ABCC8: variants seen among roughly 807,000 people sequenced by gnomAD.
ABCC8 encodes the protein ATP binding cassette subfamily C member 8, also known as ATP-binding cassette sub-family C member 8.
ABCC8 carries 137 observed loss-of-function variants against 188.0 expected under a neutral mutation model. The ratio of observed to expected loss-of-function variants is 0.73; its 90% CI spans 0.63 to 0.84. The LOEUF (loss-of-function observed/expected upper bound fraction) is 0.84, where lower values mean the gene tolerates loss of function less well. ABCC8 is among the 40% of genes least tolerant of loss of function. The pLI is 0.00. For synonymous variants in ABCC8, 797 were observed against 846.5 expected (o/e 0.94, Z 1.01); for missense variants, 1,750 against 2,072.7 (o/e 0.84, Z 3.02).
intron 7 of ABCC8, among the ~76,000 whole-genome samples, chr11:17,450,269 T>C (rs895066513): frequency 2.0e-4 from 22 of 108,206 alleles, no homozygotes; most frequent in Admixed American, 1.7e-3. Flanking sequence ...TCTCTTTCTT[T>C]CTTTCTTTCT....
intron 7 of ABCC8, among the ~76,000 whole-genome samples, chr11:17,449,473 C>T (rs536284999): frequency 6.6e-6 from 1 of 152,322 alleles, no homozygotes; most frequent in South Asian, 2.1e-4. Context: ...GTGAGTCAGT[C>T]AGCCCCAGCA....
intron 17 of ABCC8, among the ~76,000 whole-genome samples, chr11:17,416,332 T>A (rs1955072133): frequency 6.6e-6 from 1 of 152,120 alleles, no homozygotes; most frequent in Non-Finnish European, 1.5e-5. Context: ...CACATGAACA[T>A]AAAGCAACAA....
rs1847962147 is a variant in ABCC8, at chr11:17,463,579, G to A, written c.438C>T (p.Ala146=). The change falls in exon 4 of 39, where the codon GCC becomes GCT. Residue 146 remains alanine (A), a synonymous_variant. Coordinates refer to ENST00000389817, the MANE Select transcript of ABCC8 (RefSeq NM_000352.6). ...LIALLVYWTL[A]FITKTIKFVK... is the part of the protein sequence containing the mutation. ...CAAACTTGATGGTCTTGGTGATGAAGGCCAGGGTCCAATACACCAGCAGGG... is the reference window on the plus strand; with the variant it reads ...CAAACTTGATGGTCTTGGTGATGAAAGCCAGGGTCCAATACACCAGCAGGG... 1.9e-6 allele frequency: 3 copies of A among 1,588,332 alleles called. No individual in the cohort carries two copies. Among genetic ancestry groups the A allele is most frequent in the Non-Finnish European group, 2.6e-6 (3 of 1,166,974 alleles).
At chr11:17,436,589 T>C (rs7108578) in intron 10 of ABCC8, among the ~76,000 whole-genome samples, 25,425 of 152,146 alleles carry the variant, frequency 0.17, 2,279 homozygotes, top group Non-Finnish European at 0.2. Flanking sequence ...GCTCAGATCT[T>C]GAAAGTTAAG....
chr11:17,455,862 C>A (rs984325494), intron 6 of ABCC8, among the ~76,000 whole-genome samples: 1 of 151,070 alleles, frequency 6.6e-6, no homozygotes, highest in Non-Finnish European at 1.5e-5. Context: ...TTGCTTGAAC[C>A]CAGGAGGCAG....
intron 3 of ABCC8, among the ~76,000 whole-genome samples, chr11:17,468,631 A>C (rs574343368): frequency 6.6e-6 from 1 of 152,346 alleles, no homozygotes; most frequent in South Asian, 2.1e-4. Context: ...CCTACCTCAT[A>C]GAGTTGTTGC....
chr11:17,468,030 C>T (rs965526942), intron 3 of ABCC8, among the ~76,000 whole-genome samples: 1 of 152,138 alleles, frequency 6.6e-6, no homozygotes, highest in Non-Finnish European at 1.5e-5. Flanking sequence ...ATGAAGGGTT[C>T]TCTACAGACA....
chr11:17,435,012 T>TGTGTGTGC (rs1417876278), intron 10 of ABCC8, among the ~76,000 whole-genome samples: 5 of 151,916 alleles, frequency 3.3e-5, no homozygotes, highest in African/African-American at 9.7e-5. Flanking sequence ...TGTGTGTGTG[T>TGTGTGTGC]GTGTGTTTTG....
chr11:17,396,827 G>C (rs1272895263), intron 33 of ABCC8, 89 bp downstream of exon 33: 2 of 1,541,082 alleles, frequency 1.3e-6, no homozygotes, highest in Non-Finnish European at 1.8e-6. Flanking sequence ...GGAGGGCCAC[G>C]AGGTGACTGC....
intron 16 of ABCC8, among the ~76,000 whole-genome samples, chr11:17,418,764 G>A (rs1371826955): frequency 6.6e-6 from 1 of 152,152 alleles, no homozygotes; most frequent in Non-Finnish European, 1.5e-5. Context: ...ATCAGCTCCC[G>A]TGTAATTTGT....
intron 16 of ABCC8, 168 bp from the exon 17 acceptor site, chr11:17,417,130 T>G: frequency 1.2e-5 from 11 of 916,908 alleles, no homozygotes; most frequent in East Asian, 1.2e-4. Context: ...TCTCAATCTC[T>G]GTCCCTCCCA....
At position 17,410,531 on chromosome 11, in the gene ABCC8, C is replaced by A. The variant is rs1023939014; in HGVS notation, c.2679G>T (p.Leu893=). 10 of 1,614,176 alleles carry A rather than the reference C, an allele frequency of 6.2e-6. No homozygotes were observed. The highest frequency in any genetic ancestry group is 8.5e-6 in the Non-Finnish European group (10 of 1,180,030). The change falls in exon 22 of 39, where the codon CTG becomes CTT. Residue 893 remains leucine, a synonymous_variant. Transcript: ENST00000389817. ...TCCCCCTCACCCAGTCTGCATGGGG[C>A]AGGTACTGTAGCTTGTGGGTCACTA... The part of the protein sequence containing the change: ...VVLVTHKLQY[L]PHADWIIAMK...
At chr11:17,403,004 A>G (rs1186369018) in intron 28 of ABCC8, among the ~76,000 whole-genome samples, 1 of 152,210 alleles carries the variant, frequency 6.6e-6, no homozygotes. Flanking sequence ...TGTCCTGGGC[A>G]TTGTCAACCC....
At position 17,413,455 on chromosome 11, in the gene ABCC8, C is replaced by T. The variant is rs1401468345; in HGVS notation, c.2414G>A (p.Cys805Tyr). 2 of 1,614,096 alleles carry T rather than the reference C, an allele frequency of 1.2e-6. No homozygotes were observed. The highest frequency in any genetic ancestry group is 2.7e-5 in the African/African-American group (2 of 75,046). ...KQRYKMVIEA[C>Y]SLQPDIDILP... ...GATGTCGATGTCTGGCTGCAGAGAG[C>T]AGGCTTCAATGACCATCTTGTACCT... The change falls in exon 20 of 39, where the codon TGC (cysteine) becomes TAC (tyrosine). Residue 805 changes from cysteine to tyrosine, a missense_variant. Physicochemically the swap from Cys to Tyr is radical, Grantham distance 194. Transcript: ENST00000389817.
intron 2 of ABCC8, among the ~76,000 whole-genome samples, chr11:17,471,780 G>A (rs1421445523): frequency 8.5e-5 from 13 of 152,252 alleles, no homozygotes; most frequent in African/African-American, 2.9e-4. Flanking sequence ...AAGATGGGAA[G>A]AGGCTGGGTC....
At chr11:17,434,984 C>CGTGTGTGTGTGTGTGT (rs57580521) in intron 10 of ABCC8, among the ~76,000 whole-genome samples, 12 of 144,650 alleles carry the variant, frequency 8.3e-5, no homozygotes, top group Non-Finnish European at 1.5e-4. Context: ...CGTGTGTTCG[C>CGTGTGTGTGTGTGTGT]GTGTGTGTGT....
chr11:17,435,321 C>T (rs1236520073), intron 10 of ABCC8, among the ~76,000 whole-genome samples: 1 of 152,166 alleles, frequency 6.6e-6, no homozygotes, highest in African/African-American at 2.4e-5. Context: ...AGAAGCCACA[C>T]AGCTGGCATT....
intron 1 of ABCC8, among the ~76,000 whole-genome samples, chr11:17,475,876 A>C (rs1009205556): frequency 6.6e-6 from 1 of 152,186 alleles, no homozygotes; most frequent in Non-Finnish European, 1.5e-5. Flanking sequence ...GGAAGAGTCA[A>C]GGTCTTGGAG....
At position 17,409,584 on chromosome 11, in the gene ABCC8, A is replaced by G. The variant is rs149359294; in HGVS notation, c.2694+932T>C. ...TTTCTTTGGGTCTTCTTTATACTGG[A>G]GGGGGTCTCATCATACATGGAAGGA... is the stretch of plus-strand genomic sequence containing the variant. On this transcript the variant is annotated intron_variant, in intron 22 of 38. Transcript: ENST00000389817. Among the ~76,000 whole-genome samples, 1,216 of 151,904 alleles carry G rather than the reference A, an allele frequency of 8.0e-3. 11 individuals carry two copies. Among genetic ancestry groups the G allele is most frequent in the African/African-American group, 0.027 (1,123 of 41,398 alleles).
Sources: allele counts gnomAD v4.1 joint callset (sites outside exome capture counted in the v4.1 genomes callset), GRCh38; gene constraint gnomAD v4.1.1; transcripts MANE v1.5; gene names NCBI Gene and HGNC (gene_info 2026-07-23, HGNC 2026-07-21).